Variants in FGFR1 observed in about 807,000 individuals in gnomAD.
The protein encoded by FGFR1 is fibroblast growth factor receptor 1.
FGFR1 carries 18 observed loss-of-function variants against 93.7 expected under a neutral mutation model. That is an observed-to-expected ratio of 0.19 (90% CI 0.13 to 0.28). The LOEUF (loss-of-function observed/expected upper bound fraction) is 0.28. FGFR1 is among the 10% of genes least tolerant of loss of function. FGFR1 has a pLI of 1.00. For synonymous variants in FGFR1, 448 were observed against 429.3 expected, an observed-to-expected ratio of 1.04 and a Z score of -0.54; for missense variants, 731 against 1,080.4, an observed-to-expected ratio of 0.68 and a Z score of 4.53.
Position 38,413,170 on chromosome 8 carries a change from C to T in FGFR1, c.*458G>A, listed in dbSNP as rs953433951. On this transcript the variant is annotated 3_prime_UTR_variant, in exon 18 of 18. Transcript: ENST00000447712. This position sits in a 1 kb window ranked among gnomAD's most constrained non-coding sequence, Gnocchi z 4.2. The stretch of plus-strand genomic sequence containing the variant: ...ATCTGGGGCAGAGGTCACCTTCAAT[C>T]GAGGCACGAAGCACTGACCTCCCTA... 12 of 246,810 alleles carry T rather than the reference C, an allele frequency of 4.9e-5. No individual in the cohort carries two copies. Among genetic ancestry groups the T allele is most frequent in the African/African-American group, 1.5e-4 (7 of 45,690 alleles). The allele number at this position is 246,810 out of a possible 1,614,324, so 15.3% of individuals were successfully genotyped here. A position where few individuals can be genotyped will look rare whatever the true frequency, so the allele number is the denominator to read the frequency against.
chr8:38,413,847 T>A lies in FGFR1; in HGVS notation c.2293-43A>T, dbSNP rs577661678. On this transcript the variant is annotated intron_variant, in intron 17 of 17. Transcript: ENST00000447712. This position sits in a 1 kb window ranked among gnomAD's most constrained non-coding sequence, Gnocchi z 4.2. ...AAGCAGCGATGGGCCGGGCCCCTCC[T>A]CCCTGCTCAGGGAGGTGCGTGCACG... The A allele has an allele frequency of 6.2e-7, 1 of 1,613,570 alleles. No individual in the cohort carries two copies. Among genetic ancestry groups the A allele is most frequent in the African/African-American group, 1.3e-5 (1 of 75,008 alleles).
intron 2 of FGFR1, among the ~76,000 whole-genome samples, chr8:38,448,276 CA>C (rs1829985334): frequency 6.8e-6 from 1 of 147,398 alleles, no homozygotes; most frequent in South Asian, 2.1e-4. Flanking sequence ...AACAAAACAC[CA>C]ATTTTTTTTT....
At position 38,450,352 on chromosome 8, in the gene FGFR1, G is replaced by T. The variant is rs73674167; in HGVS notation, c.91+7004C>A. Among the ~76,000 whole-genome samples, 1,180 of 152,308 alleles carry T rather than the reference G, an allele frequency of 7.7e-3. 16 individuals carry two copies. Among genetic ancestry groups the T allele is most frequent in the African/African-American group, 0.026 (1,080 of 41,556 alleles). On this transcript the variant is annotated intron_variant, in intron 2 of 17. Coordinates refer to ENST00000447712, the MANE Select transcript of FGFR1 (RefSeq NM_023110.3). The stretch of plus-strand genomic sequence containing the variant: ...TCATTTCCAAGCCTCAGGGAAGGAA[G>T]AAAGAGGCAAAGGTGGTGTCTACAG...
rs2150931424 is a variant in FGFR1 at position 38,428,399 on chromosome 8, T to C, written c.395A>G (p.Asp132Gly). 1 of 1,613,630 alleles carries C rather than the reference T, an allele frequency of 6.2e-7. No homozygotes were observed. Among genetic ancestry groups the C allele is most frequent in the Non-Finnish European group, 8.5e-7 (1 of 1,179,786 alleles). The change falls in exon 4 of 18, where the codon GAT becomes GGT. Residue 132 changes from aspartate (D) to glycine (G), a missense_variant. Physicochemically the swap from Asp to Gly is moderately conservative, Grantham distance 94. This residue lies in a region of FGFR1 where 212 missense variants were observed against 205.8 expected (regional missense o/e 1.03). Transcript: ENST00000447712. ...TTCTTTCTCCTCTGAAGAGGAGTCA[T>C]CATCATCATCATCATCCTCCGAGGA... The part of the protein sequence containing the change: ...LPSSEDDDDD[D>G]DSSSEEKETD...
chr8:38,423,275 G>A (rs1043443990), intron 7 of FGFR1: 2 of 698,214 alleles, frequency 2.9e-6, no homozygotes, highest in South Asian at 1.6e-5. Flanking sequence ...GGGAGCGAAG[G>A]GAGATGTTAA....
chr8:38,455,386 T>C (rs188246999), intron 2 of FGFR1, among the ~76,000 whole-genome samples: 1 of 152,304 alleles, frequency 6.6e-6, no homozygotes, highest in African/African-American at 2.4e-5. Flanking sequence ...GTTCACGCCA[T>C]TCTCCTGCCT....
At chr8:38,448,860 C>G (rs904899126) in intron 2 of FGFR1, among the ~76,000 whole-genome samples, 1 of 152,122 alleles carries the variant, frequency 6.6e-6, no homozygotes, top group Non-Finnish European at 1.5e-5. Context: ...GAGGGTGAGG[C>G]AGAAGAATCG....
chr8:38,436,528 C>T (rs958353789), intron 2 of FGFR1, among the ~76,000 whole-genome samples: 8 of 152,098 alleles, frequency 5.3e-5, no homozygotes, highest in African/African-American at 1.2e-4. Flanking sequence ...CTCATTACCA[C>T]GCAGGTTCCT....
At chr8:38,434,338 T>C (rs1824428229) in intron 2 of FGFR1, 1 of 200,302 alleles carries the variant, frequency 5.0e-6, no homozygotes. Context: ...GCTTTTTTTT[T>C]TTTTTTTTAT....
chr8:38,445,603 A>G (rs1336289746), intron 2 of FGFR1, among the ~76,000 whole-genome samples: 3 of 151,916 alleles, frequency 2.0e-5, no homozygotes, highest in South Asian at 2.1e-4. Context: ...CAATGGTGCA[A>G]TCTTGGCTCA....
At chr8:38,417,635 A>G (rs923767679) in intron 11 of FGFR1, 3 of 719,552 alleles carry the variant, frequency 4.2e-6, no homozygotes, top group African/African-American at 1.7e-5. Flanking sequence ...CCTGCAAGCG[A>G]TGGATCCAGG....
chr8:38,454,584 C>T (rs563023466), intron 2 of FGFR1, among the ~76,000 whole-genome samples: 1 of 152,304 alleles, frequency 6.6e-6, no homozygotes, highest in African/African-American at 2.4e-5. Context: ...AGTCCCCATC[C>T]TGGTCAGTAC....
chr8:38,418,139 G>A (rs758911247), intron 10 of FGFR1, 89 bp downstream of exon 10: 87 of 1,605,732 alleles, frequency 5.4e-5, no homozygotes, highest in East Asian at 6.7e-5. Flanking sequence ...AACCTTCACC[G>A]CCCAGAAGGT....
chr8:38,449,842 G>A (rs1477599973), intron 2 of FGFR1, among the ~76,000 whole-genome samples: 2 of 152,230 alleles, frequency 1.3e-5, no homozygotes, highest in Non-Finnish European at 1.5e-5. Flanking sequence ...CATGAAGGCA[G>A]TAGATACCTG....
chr8:38,429,990 G>A lies in FGFR1; in HGVS notation c.92-42C>T, dbSNP rs2150969061. ...GCCGGGAAGGGAAGCCAAGGGGCGA[G>A]AGAGGAAGACAGGGAGAGGGGAGGA... On this transcript the variant is annotated intron_variant, in intron 2 of 17. Transcript: ENST00000447712. The surrounding 1 kb of genome is among the most constrained non-coding windows in gnomAD (Gnocchi z 4.4). 1 of 1,567,152 alleles carries A rather than the reference G, an allele frequency of 6.4e-7. No homozygotes were observed. Among genetic ancestry groups the A allele is most frequent in the Non-Finnish European group, 8.7e-7 (1 of 1,155,522 alleles).
intron 2 of FGFR1, chr8:38,440,313 T>C: frequency 6.2e-7 from 1 of 1,605,148 alleles, no homozygotes; most frequent in Non-Finnish European, 8.5e-7. Context: ...TACCTTCGGC[T>C]GGCAGGACCC....
rs368384284 is a variant in FGFR1 at position 38,421,772 on chromosome 8, C to G, written c.1081+25G>C. The G allele has an allele frequency of 2.5e-6, 4 of 1,613,710 alleles. No homozygotes were observed. In the Admixed American group the frequency reaches 5.0e-5, roughly 20 times the overall value. On this transcript the variant is annotated intron_variant, in intron 8 of 17. Transcript: ENST00000447712. ...CGTGCCCGTGGCGAGGGCAGGACAT[C>G]GAGAGGAGAAGTTACAGTGTGTACC... is the stretch of plus-strand genomic sequence containing the variant.
chr8:38,468,069 G>A lies in FGFR1; in HGVS notation c.-177C>T, dbSNP rs967769703. 3 of 224,078 alleles carry A rather than the reference G, an allele frequency of 1.3e-5. No individual in the cohort carries two copies. The highest frequency in any genetic ancestry group is 4.5e-5 in the African/African-American group (2 of 44,764). 13.9% of individuals were successfully genotyped at this position (224,078 alleles called of 1,614,324 possible). On this transcript the variant is annotated 5_prime_UTR_variant, in exon 1 of 18. Coordinates refer to ENST00000447712, the MANE Select transcript of FGFR1 (RefSeq NM_023110.3). ...CCCGCGTCCCCGGCTCCGGCCCGCC[G>A]CCCCCGGGCTCTGTTCGGGTCCTGG...
At chr8:38,436,227 T>C (rs900101704) in intron 2 of FGFR1, among the ~76,000 whole-genome samples, 1 of 151,802 alleles carries the variant, frequency 6.6e-6, no homozygotes, top group Non-Finnish European at 1.5e-5. Context: ...ATAAAAAAAT[T>C]AGCCAGGCAT....
Sources: gnomAD v4.1 joint callset for allele counts (sites outside exome capture counted in the v4.1 genomes callset) on GRCh38, gnomAD v4.1.1 for gene constraint, gnomAD v4.1.1 regional missense constraint, Gnocchi (gnomAD v3.1) non-coding constraint, MANE v1.5 for transcripts, NCBI Gene and HGNC (gene_info 2026-07-23, HGNC 2026-07-21) for gene names.